The following GPR39 variants were observed in gnomAD, a reference collection of about 807,000 sequenced individuals.
The protein encoded by GPR39 is zinc sensing receptor.
GPR39 carries 23 observed loss-of-function variants against 18.4 expected under a neutral mutation model. That is an observed-to-expected ratio of 1.25 (90% confidence interval 0.90 to 1.77). The LOEUF (loss-of-function observed/expected upper bound fraction) is 1.77, where lower values mean the gene tolerates loss of function less well. GPR39 is among the 40% of genes most tolerant of loss of function. The pLI, the probability that GPR39 is intolerant of heterozygous loss-of-function variation, is 0.00. For synonymous variants in GPR39, 280 were observed against 257.9 expected, an observed-to-expected ratio of 1.09 and a Z score of -0.82; for missense variants, 647 against 602.4, an observed-to-expected ratio of 1.07 and a Z score of -0.78.
intron 1 of GPR39, among the ~76,000 whole-genome samples, chr2:132,478,474 G>A (rs1306879475): frequency 6.6e-6 from 1 of 152,172 alleles, no homozygotes; most frequent in Non-Finnish European, 1.5e-5. Flanking sequence ...TAATTTATTT[G>A]TCAGAATGTT....
intron 1 of GPR39, among the ~76,000 whole-genome samples, chr2:132,638,448 CAG>C (rs530308537): frequency 6.6e-6 from 1 of 152,212 alleles, no homozygotes; most frequent in Non-Finnish European, 1.5e-5. Context: ...GCCACACCCT[CAG>C]AGTCTCTGAT....
intron 1 of GPR39, among the ~76,000 whole-genome samples, chr2:132,455,150 A>G (rs997004958): frequency 1.3e-5 from 2 of 152,140 alleles, no homozygotes; most frequent in Non-Finnish European, 2.9e-5. Flanking sequence ...TTATTGCCTC[A>G]ATTTCAGAAC....
chr2:132,524,910 A>T (rs1679483032), intron 1 of GPR39, among the ~76,000 whole-genome samples: 1 of 152,160 alleles, frequency 6.6e-6, no homozygotes, highest in Non-Finnish European at 1.5e-5. Flanking sequence ...TTCACGCTTC[A>T]GTCATTTTCC....
intron 1 of GPR39, among the ~76,000 whole-genome samples, chr2:132,491,026 A>G (rs1476832316): frequency 2.0e-5 from 3 of 152,188 alleles, no homozygotes; most frequent in African/African-American, 7.2e-5. Context: ...GAACTGCTCT[A>G]ATTTGCGAAC....
chr2:132,496,608 C>A (rs564971325), intron 1 of GPR39, among the ~76,000 whole-genome samples: 9 of 152,184 alleles, frequency 5.9e-5, no homozygotes, highest in Non-Finnish European at 1.3e-4. Context: ...TTTTACCAAA[C>A]CTTTTTGTTT....
intron 1 of GPR39, among the ~76,000 whole-genome samples, chr2:132,492,887 C>CATATAT (rs1471372511): frequency 7.4e-6 from 1 of 135,156 alleles, no homozygotes; most frequent in Non-Finnish European, 1.6e-5. Context: ...ATATATACAC[C>CATATAT]ATATATATAC....
At chr2:132,635,608 A>G (rs1015671795) in intron 1 of GPR39, among the ~76,000 whole-genome samples, 5 of 152,140 alleles carry the variant, frequency 3.3e-5, no homozygotes, top group African/African-American at 9.7e-5. Flanking sequence ...CAGCGTGTGC[A>G]GAGGCATGGA....
intron 1 of GPR39, among the ~76,000 whole-genome samples, chr2:132,517,931 A>G (rs1391283514): frequency 6.6e-6 from 1 of 152,206 alleles, no homozygotes; most frequent in East Asian, 1.9e-4. Flanking sequence ...TATTGAAACC[A>G]TTGACATTCC....
At chr2:132,424,247 C>T (rs1232849797) in intron 1 of GPR39, among the ~76,000 whole-genome samples, 1 of 152,186 alleles carries the variant, frequency 6.6e-6, no homozygotes, top group Non-Finnish European at 1.5e-5. Context: ...TACAACTCTA[C>T]ACATTATTTC....
intron 1 of GPR39, among the ~76,000 whole-genome samples, chr2:132,629,177 G>C (rs1453201764): frequency 6.6e-6 from 1 of 152,218 alleles, no homozygotes; most frequent in Non-Finnish European, 1.5e-5. Context: ...GATAAGGCTT[G>C]GAAGACAGGC....
chr2:132,573,584 G>A (rs1280256580), intron 1 of GPR39, among the ~76,000 whole-genome samples: 1 of 152,080 alleles, frequency 6.6e-6, no homozygotes, highest in African/African-American at 2.4e-5. Flanking sequence ...GCCAAAGTGG[G>A]AACAATTCCT....
chr2:132,484,663 G>A (rs1558811864), intron 1 of GPR39, among the ~76,000 whole-genome samples: 1 of 152,208 alleles, frequency 6.6e-6, no homozygotes. Flanking sequence ...CTCAGGGGAT[G>A]ACAAGGAAAA....
chr2:132,588,506 G>C (rs1680770745), intron 1 of GPR39, among the ~76,000 whole-genome samples: 1 of 152,200 alleles, frequency 6.6e-6, no homozygotes, highest in Admixed American at 6.5e-5. Context: ...GGGCTGACTT[G>C]ATGGCTGGGA....
chr2:132,553,141 G>T (rs1182777507), intron 1 of GPR39, among the ~76,000 whole-genome samples: 1 of 151,210 alleles, frequency 6.6e-6, no homozygotes, highest in African/African-American at 2.4e-5. Context: ...GGCTAGGCTG[G>T]TCTCAAACTC....
chr2:132,564,264 C>G (rs924858943), intron 1 of GPR39, among the ~76,000 whole-genome samples: 1 of 152,190 alleles, frequency 6.6e-6, no homozygotes, highest in African/African-American at 2.4e-5. Context: ...CTGCCACCTG[C>G]ACCACCAGCC....
chr2:132,530,887 C>T (rs1679610383), intron 1 of GPR39, among the ~76,000 whole-genome samples: 1 of 152,160 alleles, frequency 6.6e-6, no homozygotes, highest in Admixed American at 6.5e-5. Flanking sequence ...TTGTACCAGC[C>T]ACTGCAAAAA....
intron 1 of GPR39, among the ~76,000 whole-genome samples, chr2:132,418,898 T>C (rs551704825): frequency 6.6e-6 from 1 of 152,328 alleles, no homozygotes; most frequent in Admixed American, 6.5e-5. Flanking sequence ...CTCTCCCCTG[T>C]GGCATCAGGA....
intron 1 of GPR39, among the ~76,000 whole-genome samples, chr2:132,487,690 AAAG>A (rs1438177077): frequency 2.0e-5 from 3 of 152,348 alleles, no homozygotes; most frequent in African/African-American, 7.2e-5. Flanking sequence ...ACCTAGCTTT[AAAG>A]AAGATTAGTG....
chr2:132,498,219 A>T (rs941872794), intron 1 of GPR39, among the ~76,000 whole-genome samples: 2 of 152,156 alleles, frequency 1.3e-5, no homozygotes, highest in African/African-American at 4.8e-5. Context: ...CCCACTGTGT[A>T]GTCTTTTATA....
Sources: gnomAD v4.1 joint callset for allele counts (sites outside exome capture counted in the v4.1 genomes callset) on GRCh38, gnomAD v4.1.1 for gene constraint, MANE v1.5 for transcripts, NCBI Gene and HGNC (gene_info 2026-07-23, HGNC 2026-07-21) for gene names.